TNFRSF21: variants seen among roughly 807,000 people sequenced by gnomAD.
TNFRSF21 encodes the protein tumor necrosis factor receptor superfamily member 21.
A neutral mutation model predicts 45.6 loss-of-function variants in TNFRSF21; 19 were observed. The observed-to-expected ratio is 0.42, with a 90% confidence interval of 0.29 to 0.61. The LOEUF (loss-of-function observed/expected upper bound fraction) is 0.61, where lower values mean the gene tolerates loss of function less well. Ranked by LOEUF, TNFRSF21 falls within the 20% of genes least tolerant of loss-of-function variation. The pLI, the probability that TNFRSF21 is intolerant of heterozygous loss-of-function variation, is 0.23. For synonymous variants in TNFRSF21, 314 were observed against 335.5 expected (o/e 0.94, Z 0.70); for missense variants, 737 against 851.5 (o/e 0.87, Z 1.67).
At chr6:47,254,218 G>T (rs1764947751) in intron 3 of TNFRSF21, among the ~76,000 whole-genome samples, 1 of 152,166 alleles carries the variant, frequency 6.6e-6, no homozygotes, top group South Asian at 2.1e-4. Context: ...GCTACTAAGT[G>T]ACTCACAGGC....
chr6:47,296,116 C>A (rs1745062157), intron 1 of TNFRSF21, among the ~76,000 whole-genome samples: 1 of 152,034 alleles, frequency 6.6e-6, no homozygotes, highest in East Asian at 1.9e-4. Flanking sequence ...AGTAGGCTAC[C>A]CATTTATTTA....
chr6:47,291,854 C>T (rs1215966185), intron 1 of TNFRSF21, among the ~76,000 whole-genome samples: 1 of 152,228 alleles, frequency 6.6e-6, no homozygotes, highest in Admixed American at 6.5e-5. Flanking sequence ...GGGACTGCTC[C>T]ATGGCCTCTT....
At chr6:47,242,225 T>TA (rs926616341) in intron 4 of TNFRSF21, among the ~76,000 whole-genome samples, 34 of 152,228 alleles carry the variant, frequency 2.2e-4, no homozygotes, top group Middle Eastern at 3.4e-3. Flanking sequence ...GGAATTATTT[T>TA]AAAAAACACT....
chr6:47,298,862 C>CTA (rs1168130857), intron 1 of TNFRSF21, among the ~76,000 whole-genome samples: 2 of 152,200 alleles, frequency 1.3e-5, no homozygotes, highest in Non-Finnish European at 2.9e-5. Context: ...CAATATTAAC[C>CTA]TACTGAGGGC....
intron 1 of TNFRSF21, among the ~76,000 whole-genome samples, chr6:47,302,943 G>A (rs1561954128): frequency 6.6e-6 from 1 of 152,188 alleles, no homozygotes; most frequent in Non-Finnish European, 1.5e-5. Context: ...CTTGTCACAT[G>A]TACTGAGATC....
intron 1 of TNFRSF21, among the ~76,000 whole-genome samples, chr6:47,295,801 A>AT (rs1293676773): frequency 1.0e-3 from 5 of 4,770 alleles, no homozygotes; most frequent in East Asian, 7.8e-3. Flanking sequence ...ATCCTCTCTG[A>AT]TTTAAAAAAA....
At chr6:47,264,746 A>T (rs190105004) in intron 3 of TNFRSF21, among the ~76,000 whole-genome samples, 2 of 152,292 alleles carry the variant, frequency 1.3e-5, no homozygotes, top group Admixed American at 1.3e-4. Flanking sequence ...GTTAAAGAGA[A>T]AGGTGTTGTC....
At chr6:47,286,767 C>T (rs1338373767) in intron 1 of TNFRSF21, among the ~76,000 whole-genome samples, 172 bp from the exon 2 acceptor site, 2 of 152,156 alleles carry the variant, frequency 1.3e-5, no homozygotes, top group African/African-American at 4.8e-5. Flanking sequence ...ACGAGAGAAA[C>T]GAAGACTTGG....
rs147100334 is a variant in TNFRSF21, at chr6:47,266,569, C to T, written c.1244-13048G>A. 2.1e-3 allele frequency among the ~76,000 whole-genome samples: 316 copies of T among 152,154 alleles called. 3 individuals carry two copies. Among genetic ancestry groups the T allele is most frequent in the African/African-American group, 7.0e-3 (290 of 41,526 alleles). On this transcript the variant is annotated intron_variant, in intron 3 of 5. Transcript: ENST00000296861. Reference sequence around the variant, plus strand: ...AAATTATGTCTTGTTTGTTAAGCAGCGTTATTTCCCCAAAGAACAGTCTTT... The same window carrying T: ...AAATTATGTCTTGTTTGTTAAGCAGTGTTATTTCCCCAAAGAACAGTCTTT...
At chr6:47,263,090 G>T (rs1368507635) in intron 3 of TNFRSF21, among the ~76,000 whole-genome samples, 1 of 152,134 alleles carries the variant, frequency 6.6e-6, no homozygotes, top group African/African-American at 2.4e-5. Flanking sequence ...ATGGGAGGTG[G>T]TGGACTTCTC....
chr6:47,245,427 AGTG>A, intron 4 of TNFRSF21, among the ~76,000 whole-genome samples: 1 of 142,284 alleles, frequency 7.0e-6, no homozygotes, highest in African/African-American at 2.6e-5. Flanking sequence ...ACTAAGAAGA[AGTG>A]TGTGTGTGTG....
intron 1 of TNFRSF21, among the ~76,000 whole-genome samples, chr6:47,301,689 CCT>C (rs1219122597): frequency 2.0e-5 from 3 of 152,104 alleles, no homozygotes; most frequent in African/African-American, 7.2e-5. Flanking sequence ...TCTCTTGCTC[CCT>C]CTCTCACCAT....
intron 3 of TNFRSF21, among the ~76,000 whole-genome samples, chr6:47,274,592 A>T (rs1003766603): frequency 3.3e-5 from 5 of 152,150 alleles, no homozygotes; most frequent in African/African-American, 4.8e-5. Flanking sequence ...GGACTTCATG[A>T]CTAAAACACC....
chr6:47,253,398 T>C lies in TNFRSF21; in HGVS notation c.1367A>G (p.His456Arg), dbSNP rs763818607. The C allele has an allele frequency of 1.2e-6, 2 of 1,614,212 alleles. No homozygotes were observed. Among genetic ancestry groups the C allele is most frequent in the Admixed American group, 3.3e-5 (2 of 60,032 alleles). The part of the protein sequence containing the change: ...AAFSNGYTAD[H>R]ERAYAALQHW... Reference sequence around the variant, plus strand: ...CTGCAGAGCTGCGTAGGCCCGCTCGTGGTCGGCTGTGTACCCATTGGAGAA... The same window carrying C: ...CTGCAGAGCTGCGTAGGCCCGCTCGCGGTCGGCTGTGTACCCATTGGAGAA... Residue 456 changes from histidine to arginine, a missense_variant, in exon 4 of 6, where the codon CAC (histidine) becomes CGC (arginine). Transcript: ENST00000296861.
intron 1 of TNFRSF21, among the ~76,000 whole-genome samples, chr6:47,289,329 T>G (rs1762689294): frequency 6.6e-6 from 1 of 152,134 alleles, no homozygotes; most frequent in Admixed American, 6.5e-5. Context: ...ACCCCAAAAT[T>G]TAACTATTTG....
At chr6:47,284,989 G>A (rs1046334880) in intron 2 of TNFRSF21, among the ~76,000 whole-genome samples, 2 of 152,228 alleles carry the variant, frequency 1.3e-5, no homozygotes, top group East Asian at 3.8e-4. Flanking sequence ...CAGCTTAGCA[G>A]ACTTCTCTCA....
intron 3 of TNFRSF21, among the ~76,000 whole-genome samples, chr6:47,259,393 G>A (rs917341839): frequency 4.7e-5 from 7 of 150,348 alleles, no homozygotes; most frequent in Non-Finnish European, 7.4e-5. Context: ...TTTTTGAGAC[G>A]GAGTCTCACT....
At chr6:47,253,670 G>T (rs2113850216) in intron 3 of TNFRSF21, 149 bp from the exon 4 acceptor site, 1 of 875,590 alleles carries the variant, frequency 1.1e-6, no homozygotes, top group Non-Finnish European at 1.7e-6. Context: ...TAAGCACTTG[G>T]CACAAGCAGC....
At chr6:47,247,392 A>G (rs1385640877) in intron 4 of TNFRSF21, among the ~76,000 whole-genome samples, 2 of 152,240 alleles carry the variant, frequency 1.3e-5, no homozygotes, top group African/African-American at 4.8e-5. Flanking sequence ...TTTAGCTGTT[A>G]CCTTAGGTCC....
Sources: gnomAD v4.1 joint callset for allele counts (sites outside exome capture counted in the v4.1 genomes callset) on GRCh38, gnomAD v4.1.1 for gene constraint, MANE v1.5 for transcripts, NCBI Gene and HGNC (gene_info 2026-07-23, HGNC 2026-07-21) for gene names.